Variants in CLDN14 observed in about 807,000 individuals in gnomAD.
CLDN14 encodes the protein claudin 14.
CLDN14 carries 2 observed loss-of-function variants against 2.1 expected under a neutral mutation model. The observed-to-expected ratio is 0.96, with a 90% CI of 0.39 to 3.01. CLDN14 has a LOEUF of 3.01. CLDN14 is among the 30% of genes most tolerant of loss of function. The pLI, the probability that CLDN14 is intolerant of heterozygous loss-of-function variation, is 0.09. For synonymous variants in CLDN14, 136 were observed against 154.4 expected (o/e 0.88, Z 0.88); for missense variants, 298 against 328.0 (o/e 0.91, Z 0.71).
chr21:36,506,902 T>G (rs1400263956), intron 2 of CLDN14, among the ~76,000 whole-genome samples: 1 of 152,134 alleles, frequency 6.6e-6, no homozygotes. Flanking sequence ...AAGGATTCCT[T>G]GAGTCCAGGA....
chr21:36,506,301 A>G (rs1453261460), intron 2 of CLDN14, among the ~76,000 whole-genome samples: 2 of 152,230 alleles, frequency 1.3e-5, no homozygotes, highest in Non-Finnish European at 2.9e-5. Context: ...ATTTGTGTAA[A>G]CAAGAACAAA....
chr21:36,489,824 C>A (rs2146461442), intron 2 of CLDN14, among the ~76,000 whole-genome samples: 1 of 152,324 alleles, frequency 6.6e-6, no homozygotes, highest in Non-Finnish European at 1.5e-5. Flanking sequence ...AAGATCCGGG[C>A]CTCACCTGGG....
chr21:36,544,074 G>T lies in CLDN14; in HGVS notation c.-220+32337C>A, dbSNP rs1040513678. On this transcript the variant is annotated intron_variant, in intron 1 of 2. Coordinates refer to the CLDN14 transcript ENST00000342108. This position sits in a 1 kb window ranked among gnomAD's most constrained non-coding sequence, Gnocchi z 4.1. ...CACTGGCTGAATTGCTAGCAGCCGG[G>T]TTTCAATTTGGGGACCCAATGGGTG... Among the ~76,000 whole-genome samples the T allele has an allele frequency of 6.6e-6, 1 of 152,248 alleles. No homozygotes were observed. The highest frequency in any genetic ancestry group is 2.4e-5 in the African/African-American group (1 of 41,466).
chr21:36,528,828 C>A (rs922209664), intron 1 of CLDN14, among the ~76,000 whole-genome samples: 1 of 152,216 alleles, frequency 6.6e-6, no homozygotes, highest in African/African-American at 2.4e-5. Flanking sequence ...ACAGCTTCCT[C>A]CCTCCTCCTC....
rs923135449 is a variant in CLDN14, at chr21:36,499,159, A to G, written c.-82+11204T>C. Among the ~76,000 whole-genome samples, 2 of 152,206 alleles carry G rather than the reference A, an allele frequency of 1.3e-5. No homozygotes were observed. Among genetic ancestry groups the G allele is most frequent in the South Asian group, 2.1e-4 (1 of 4,826 alleles). On this transcript the variant is annotated intron_variant, in intron 2 of 2. Transcript: ENST00000342108. The surrounding 1 kb of genome is among the most constrained non-coding windows in gnomAD (Gnocchi z 4.7). Reference sequence around the variant, plus strand: ...CTCAAGAAATAAGCCCAGAGCACACATCGGTTTTGTGGGGGCAATGAACCC... The same window carrying G: ...CTCAAGAAATAAGCCCAGAGCACACGTCGGTTTTGTGGGGGCAATGAACCC...
chr21:36,513,927 G>C (rs61456276), intron 1 of CLDN14, among the ~76,000 whole-genome samples: 14,241 of 152,160 alleles, frequency 0.094, 1,667 homozygotes, highest in African/African-American at 0.28. Flanking sequence ...GACCTCCCGG[G>C]CTCAAGCAAT....
At chr21:36,539,529 G>A (rs752429723) in intron 1 of CLDN14, among the ~76,000 whole-genome samples, 1 of 150,296 alleles carries the variant, frequency 6.7e-6, no homozygotes, top group Non-Finnish European at 1.5e-5. Context: ...TGCAGAGTGA[G>A]TGTATGTGGA....
intron 1 of CLDN14, among the ~76,000 whole-genome samples, chr21:36,514,693 A>T (rs2087213597): frequency 6.7e-6 from 1 of 149,054 alleles, no homozygotes; most frequent in Non-Finnish European, 1.5e-5. Flanking sequence ...AGAGGAGGAC[A>T]TGGGAAGAGA....
chr21:36,541,301 G>T, intron 1 of CLDN14, among the ~76,000 whole-genome samples: 1 of 152,294 alleles, frequency 6.6e-6, no homozygotes, highest in South Asian at 2.1e-4. Flanking sequence ...TTTTAAAGAT[G>T]ATTTGAAATG....
chr21:36,486,406 C>T (rs535475394), intron 2 of CLDN14: 39 of 1,193,902 alleles, frequency 3.3e-5, no homozygotes, highest in Non-Finnish European at 4.5e-5. Flanking sequence ...CTGGGCTCCT[C>T]ATCCTGCCGC....
At chr21:36,534,204 C>T (rs1419104477) in intron 1 of CLDN14, among the ~76,000 whole-genome samples, 12 of 152,158 alleles carry the variant, frequency 7.9e-5, no homozygotes, top group Admixed American at 5.2e-4. Flanking sequence ...CGGGTTCAAG[C>T]GATTCTCCTG....
intron 1 of CLDN14, among the ~76,000 whole-genome samples, chr21:36,475,740 T>TTTTA (rs1555844740): frequency 4.6e-5 from 7 of 152,164 alleles, no homozygotes; most frequent in African/African-American, 1.7e-4. Flanking sequence ...GATTTAACTT[T>TTTTA]TTTTATTTTA....
chr21:36,495,066 G>T (rs138099367), intron 2 of CLDN14, among the ~76,000 whole-genome samples: 1 of 152,144 alleles, frequency 6.6e-6, no homozygotes, highest in African/African-American at 2.4e-5. Flanking sequence ...GGTGCCTCAC[G>T]CCTGTAATCC....
At chr21:36,569,946 T>G (rs1601640800) in intron 1 of CLDN14, among the ~76,000 whole-genome samples, 3 of 152,354 alleles carry the variant, frequency 2.0e-5, no homozygotes, top group Admixed American at 6.5e-5. Flanking sequence ...TTGTCAAGTT[T>G]AAGGACACAC....
chr21:36,509,192 G>C (rs1412084816), intron 2 of CLDN14, among the ~76,000 whole-genome samples: 1 of 152,248 alleles, frequency 6.6e-6, no homozygotes, highest in East Asian at 1.9e-4. Context: ...GCAGGAGGCG[G>C]CCCTAGCGCC....
chr21:36,470,884 G>GA (rs2086702653), intron 1 of CLDN14, among the ~76,000 whole-genome samples: 1 of 152,262 alleles, frequency 6.6e-6, no homozygotes, highest in Non-Finnish European at 1.5e-5. Context: ...GCTGAGGTGG[G>GA]AGGATGGCTT....
chr21:36,497,584 T>C (rs2087049444), intron 2 of CLDN14, among the ~76,000 whole-genome samples: 1 of 151,800 alleles, frequency 6.6e-6, no homozygotes, highest in Non-Finnish European at 1.5e-5. Context: ...GCTGAGAAAA[T>C]ATCCAACTTC....
At chr21:36,494,430 A>T (rs1003234919) in intron 2 of CLDN14, among the ~76,000 whole-genome samples, 10 of 152,212 alleles carry the variant, frequency 6.6e-5, no homozygotes, top group Admixed American at 6.5e-4. Flanking sequence ...TGGTCCCTGC[A>T]CACTGGCATG....
chr21:36,552,148 G>A (rs960932278), intron 1 of CLDN14, among the ~76,000 whole-genome samples: 24 of 152,224 alleles, frequency 1.6e-4, no homozygotes, highest in Non-Finnish European at 2.4e-4. Context: ...CCAAAGGCAG[G>A]AAAACTAGAA....
Sources: gnomAD v4.1 joint callset for allele counts (sites outside exome capture counted in the v4.1 genomes callset) on GRCh38, gnomAD v4.1.1 for gene constraint, Gnocchi (gnomAD v3.1) non-coding constraint, MANE v1.5 for transcripts, NCBI Gene and HGNC (gene_info 2026-07-23, HGNC 2026-07-21) for gene names.